The following CADM2 variants were observed in gnomAD, a reference collection of about 807,000 sequenced individuals.
The protein encoded by CADM2 is immunoglobulin superfamily member 4D.
In CADM2, 12 loss-of-function variants were observed where a neutral mutation model predicts 49.8. The observed-to-expected ratio is 0.24, with a 90% CI of 0.15 to 0.39. The LOEUF is 0.39. CADM2 is among the 10% of genes least tolerant of loss of function. CADM2 has a pLI of 1.00. For missense variants in CADM2, 378 were observed against 492.3 expected (o/e 0.77, Z 2.20); for synonymous variants, 214 against 175.4 (o/e 1.22, Z -1.74).
chr3:85,016,472 A>T (rs1182426870), intron 1 of CADM2, among the ~76,000 whole-genome samples: 1 of 152,154 alleles, frequency 6.6e-6, no homozygotes, highest in East Asian at 1.9e-4. Flanking sequence ...TTTAACTACA[A>T]ATAAATAACT....
At chr3:85,806,535 G>T (rs1309401865) in intron 3 of CADM2, among the ~76,000 whole-genome samples, 2 of 152,118 alleles carry the variant, frequency 1.3e-5, no homozygotes, top group African/African-American at 4.8e-5. Context: ...GTGGTCAGTT[G>T]AATCAAGTAA....
chr3:85,669,683 G>A (rs897468049), intron 1 of CADM2, among the ~76,000 whole-genome samples: 35 of 152,048 alleles, frequency 2.3e-4, no homozygotes, highest in African/African-American at 6.0e-4. Context: ...TAAGAGGATA[G>A]CATCCCTTTC....
chr3:85,337,001 A>G (rs1161890123), intron 1 of CADM2, among the ~76,000 whole-genome samples: 1 of 127,312 alleles, frequency 7.9e-6, no homozygotes, highest in Non-Finnish European at 1.7e-5. Context: ...TTTAATATAT[A>G]TTAAATATAA....
At chr3:85,420,497 TG>T (rs1350809958) in intron 1 of CADM2, among the ~76,000 whole-genome samples, 12 of 152,172 alleles carry the variant, frequency 7.9e-5, no homozygotes, top group Non-Finnish European at 5.9e-5. Flanking sequence ...GTATGTCCCA[TG>T]GGGGAAAAAA....
chr3:85,508,621 T>A (rs2040465497), intron 1 of CADM2, among the ~76,000 whole-genome samples: 1 of 152,188 alleles, frequency 6.6e-6, no homozygotes, highest in Non-Finnish European at 1.5e-5. Flanking sequence ...GCTAGAAGAT[T>A]AGTATCTCCT....
intron 1 of CADM2, among the ~76,000 whole-genome samples, chr3:85,020,800 G>C (rs2034469044): frequency 1.3e-5 from 2 of 151,722 alleles, no homozygotes; most frequent in Non-Finnish European, 2.9e-5. Flanking sequence ...GTGTGTGTGT[G>C]TGTCCCTGTG....
chr3:85,347,331 ATGAAG>A (rs1348404220), intron 1 of CADM2, among the ~76,000 whole-genome samples: 5 of 150,182 alleles, frequency 3.3e-5, no homozygotes, highest in African/African-American at 7.3e-5. Flanking sequence ...GCATTGAGAA[ATGAAG>A]TGAAGCAAAA....
chr3:85,774,418 C>T (rs1027469266), intron 2 of CADM2, among the ~76,000 whole-genome samples: 1 of 151,654 alleles, frequency 6.6e-6, no homozygotes, highest in East Asian at 1.9e-4. Context: ...TCTGTAGTCA[C>T]CATATGCCAA....
intron 1 of CADM2, among the ~76,000 whole-genome samples, chr3:85,337,465 T>C (rs1209404489): frequency 4.0e-5 from 6 of 151,408 alleles, no homozygotes; most frequent in African/African-American, 1.2e-4. Flanking sequence ...TTGTGTGTAA[T>C]TGGGACAAAA....
intron 1 of CADM2, among the ~76,000 whole-genome samples, chr3:85,001,853 C>A (rs915169496): frequency 3.3e-5 from 5 of 151,414 alleles, no homozygotes; most frequent in African/African-American, 1.2e-4. Context: ...ATTCTTAATC[C>A]CACTCCTTCT....
intron 1 of CADM2, among the ~76,000 whole-genome samples, chr3:85,438,717 G>T (rs570941382): frequency 9.2e-5 from 14 of 152,088 alleles, no homozygotes; most frequent in African/African-American, 3.4e-4. Context: ...CTGTTACCCA[G>T]GTTGTAGTGC....
intron 1 of CADM2, among the ~76,000 whole-genome samples, chr3:85,465,186 A>T (rs889626163): frequency 1.3e-5 from 2 of 152,102 alleles, no homozygotes; most frequent in African/African-American, 2.4e-5. Flanking sequence ...AACAAAAACA[A>T]ACAAACAAAA....
chr3:85,238,783 C>T (rs2042465131), intron 1 of CADM2, among the ~76,000 whole-genome samples: 1 of 151,800 alleles, frequency 6.6e-6, no homozygotes, highest in African/African-American at 2.4e-5. Context: ...TCCCCAAATA[C>T]AATTTACTTT....
chr3:85,502,625 A>G (rs1452929810), intron 1 of CADM2, among the ~76,000 whole-genome samples: 2 of 152,174 alleles, frequency 1.3e-5, no homozygotes, highest in Non-Finnish European at 2.9e-5. Flanking sequence ...ATTTTTAAGT[A>G]AGAAAAAAAA....
At chr3:85,563,616 G>A (rs1345775169) in intron 1 of CADM2, among the ~76,000 whole-genome samples, 1 of 152,020 alleles carries the variant, frequency 6.6e-6, no homozygotes, top group Admixed American at 6.6e-5. Flanking sequence ...GTCAATAATG[G>A]TAGTTATCAT....
At chr3:85,079,074 A>C (rs2037060281) in intron 1 of CADM2, among the ~76,000 whole-genome samples, 1 of 151,970 alleles carries the variant, frequency 6.6e-6, no homozygotes, top group East Asian at 1.9e-4. Context: ...GCTTAGTTTA[A>C]ATTAGATTTT....
chr3:85,496,611 T>G (rs114360073), intron 1 of CADM2, among the ~76,000 whole-genome samples: 1 of 152,164 alleles, frequency 6.6e-6, no homozygotes, highest in East Asian at 1.9e-4. Flanking sequence ...TTTTGAGAAA[T>G]CTCCAAGCTG....
chr3:85,295,226 C>G (rs2043925553), intron 1 of CADM2, among the ~76,000 whole-genome samples: 1 of 152,072 alleles, frequency 6.6e-6, no homozygotes, highest in South Asian at 2.1e-4. Context: ...AAATGCAAAT[C>G]AAAACCACAA....
chr3:85,866,559 AG>A (rs1201916434), intron 3 of CADM2, among the ~76,000 whole-genome samples: 1 of 152,146 alleles, frequency 6.6e-6, no homozygotes, highest in Non-Finnish European at 1.5e-5. Flanking sequence ...CTGTACGTTT[AG>A]TCTCCTTCAA....
Sources: gnomAD v4.1 joint callset for allele counts (sites outside exome capture counted in the v4.1 genomes callset) on GRCh38, gnomAD v4.1.1 for gene constraint, MANE v1.5 for transcripts, NCBI Gene and HGNC (gene_info 2026-07-23, HGNC 2026-07-21) for gene names.